The following NEGR1 variants were observed in gnomAD, a reference collection of about 807,000 sequenced individuals.
NEGR1 encodes IgLON family member 4.
A neutral mutation model predicts 40.9 loss-of-function variants in NEGR1; 10 were observed. That is an observed-to-expected ratio of 0.24 (90% confidence interval 0.15 to 0.42). The LOEUF is 0.42. Ranked by LOEUF, NEGR1 falls within the 10% of genes least tolerant of loss-of-function variation. The pLI, the probability that NEGR1 is intolerant of heterozygous loss-of-function variation, is 1.00. For missense variants in NEGR1, 352 were observed against 438.9 expected (o/e 0.80, Z 1.77); for synonymous variants, 185 against 166.8 (o/e 1.11, Z -0.84).
At chr1:72,201,246 T>G (rs979100392) in intron 1 of NEGR1, among the ~76,000 whole-genome samples, 11 of 151,540 alleles carry the variant, frequency 7.3e-5, no homozygotes, top group Admixed American at 5.9e-4. Flanking sequence ...TGAAATAAAG[T>G]ATATTAATTC....
intron 2 of NEGR1, among the ~76,000 whole-genome samples, chr1:71,836,408 G>A (rs976287280): frequency 6.7e-5 from 10 of 149,966 alleles, no homozygotes; most frequent in African/African-American, 1.2e-4. Flanking sequence ...CAGCCTGGGC[G>A]AGAGAGCAAG....
intron 1 of NEGR1, among the ~76,000 whole-genome samples, chr1:72,192,119 C>T (rs1200762207): frequency 6.6e-6 from 1 of 151,802 alleles, no homozygotes; most frequent in African/African-American, 2.4e-5. Flanking sequence ...TTAAATTAAA[C>T]CACATGCTTG....
At chr1:71,834,007 G>A (rs79480872) in intron 2 of NEGR1, among the ~76,000 whole-genome samples, 30 of 152,214 alleles carry the variant, frequency 2.0e-4, no homozygotes, top group African/African-American at 6.7e-4. Flanking sequence ...CTAGCATATG[G>A]CAGACAATTA....
Position 72,098,167 on chromosome 1 carries a change from G to A in NEGR1, c.177-162856C>T, listed in dbSNP as rs1648784073. Among the ~76,000 whole-genome samples the A allele has an allele frequency of 2.0e-5, 3 of 152,100 alleles. 1 individual carries two copies. Among genetic ancestry groups the A allele is most frequent in the South Asian group, 4.1e-4 (2 of 4,824 alleles). On this transcript the variant is annotated intron_variant, in intron 1 of 6. Coordinates refer to ENST00000357731, the MANE Select transcript of NEGR1 (RefSeq NM_173808.3). Reference sequence around the variant, plus strand: ...GAACAAGAAGCAGTGGGAGGAGAGCGAACATCCTTAGAAAATCTACCTATG... The same window carrying A: ...GAACAAGAAGCAGTGGGAGGAGAGCAAACATCCTTAGAAAATCTACCTATG...
rs1414413113 is a variant in NEGR1, at chr1:71,474,892, A to G, written c.941-67322T>C. ...GATAAACCACTAAAAGAACAGAAAT[A>G]TGAAATCTATAGCTTCCACATTAAC... On this transcript the variant is annotated intron_variant, in intron 6 of 6. Transcript: ENST00000357731. 2.0e-4 allele frequency among the ~76,000 whole-genome samples: 30 copies of G among 152,086 alleles called. 1 individual carries two copies. The highest frequency in any genetic ancestry group is 2.0e-3 in the Admixed American group (30 of 15,258).
intron 2 of NEGR1, among the ~76,000 whole-genome samples, chr1:71,882,136 C>T (rs1660599275): frequency 6.6e-6 from 1 of 152,032 alleles, no homozygotes; most frequent in Non-Finnish European, 1.5e-5. Context: ...TATAGCATGG[C>T]ACCAAAATGG....
chr1:71,440,958 T>C (rs1191583032), intron 6 of NEGR1, among the ~76,000 whole-genome samples: 1 of 152,176 alleles, frequency 6.6e-6, no homozygotes, highest in Non-Finnish European at 1.5e-5. Context: ...TGGACACTCA[T>C]AGATCAAAAC....
chr1:72,015,977 G>T (rs2100411292), intron 1 of NEGR1, among the ~76,000 whole-genome samples: 1 of 152,246 alleles, frequency 6.6e-6, no homozygotes, highest in African/African-American at 2.4e-5. Flanking sequence ...AAAGAGAAAT[G>T]AGAAGAGCAA....
intron 5 of NEGR1, among the ~76,000 whole-genome samples, chr1:71,605,110 G>C (rs1224441583): frequency 6.6e-6 from 1 of 152,018 alleles, no homozygotes; most frequent in Non-Finnish European, 1.5e-5. Flanking sequence ...TTCCAAAAAA[G>C]CACTTCTACA....
chr1:72,177,116 T>A (rs1570084451), intron 1 of NEGR1, among the ~76,000 whole-genome samples: 2 of 152,210 alleles, frequency 1.3e-5, no homozygotes, highest in East Asian at 3.9e-4. Context: ...CAGAAATCGA[T>A]CTAAGTGTTG....
At chr1:72,244,673 T>C (rs1259546711) in intron 1 of NEGR1, among the ~76,000 whole-genome samples, 4 of 152,134 alleles carry the variant, frequency 2.6e-5, no homozygotes, top group African/African-American at 9.6e-5. Flanking sequence ...CATATAGAGT[T>C]AGAGTCCTGT....
At chr1:72,003,100 AT>A (rs933632996) in intron 1 of NEGR1, among the ~76,000 whole-genome samples, 1 of 152,138 alleles carries the variant, frequency 6.6e-6, no homozygotes, top group African/African-American at 2.4e-5. Flanking sequence ...AGGAAATTCA[AT>A]TCTGTGTTCA....
intron 1 of NEGR1, among the ~76,000 whole-genome samples, chr1:72,050,762 C>A (rs1391277983): frequency 6.6e-6 from 1 of 151,458 alleles, no homozygotes; most frequent in African/African-American, 2.4e-5. Flanking sequence ...CTACATGTGA[C>A]TTCTGAGGTT....
At chr1:72,274,436 C>T (rs1655967041) in intron 1 of NEGR1, 1 of 527,210 alleles carries the variant, frequency 1.9e-6, no homozygotes, top group Admixed American at 3.3e-5. Context: ...ACAGATGGCA[C>T]ACAACTGTAT....
chr1:72,096,442 T>C (rs77801296), intron 1 of NEGR1, among the ~76,000 whole-genome samples: 34,434 of 151,908 alleles, frequency 0.23, 4,417 homozygotes, highest in Non-Finnish European at 0.29. Flanking sequence ...TATCTTTGTT[T>C]GGTTTTTACA....
At chr1:71,700,680 T>C (rs943420597) in intron 3 of NEGR1, among the ~76,000 whole-genome samples, 3 of 151,954 alleles carry the variant, frequency 2.0e-5, no homozygotes, top group Admixed American at 6.6e-5. Flanking sequence ...TATTTCCTTA[T>C]AGTTCTTTAG....
At chr1:72,088,802 T>C (rs972112671) in intron 1 of NEGR1, among the ~76,000 whole-genome samples, 1,571 of 41,690 alleles carry the variant, frequency 0.038, 32 homozygotes, top group African/African-American at 0.12. Context: ...CTCTCTTTTT[T>C]TTTTTTTTTT....
At chr1:72,239,829 G>C (rs1654676718) in intron 1 of NEGR1, among the ~76,000 whole-genome samples, 1 of 151,682 alleles carries the variant, frequency 6.6e-6, no homozygotes, top group South Asian at 2.1e-4. Context: ...CATAAATACT[G>C]TATTAAAAGA....
intron 3 of NEGR1, among the ~76,000 whole-genome samples, chr1:71,774,107 T>C (rs1450529029): frequency 6.6e-6 from 1 of 152,200 alleles, no homozygotes; most frequent in Non-Finnish European, 1.5e-5. Flanking sequence ...AACACATTTA[T>C]GCCTATTATA....
Sources: allele counts gnomAD v4.1 joint callset (sites outside exome capture counted in the v4.1 genomes callset), GRCh38; gene constraint gnomAD v4.1.1; transcripts MANE v1.5; gene names NCBI Gene and HGNC (gene_info 2026-07-23, HGNC 2026-07-21).